The following MAF variants were observed in gnomAD, a reference collection of about 807,000 sequenced individuals.
The protein encoded by MAF is transcription factor Maf.
A neutral mutation model predicts 22.0 loss-of-function variants in MAF; 10 were observed. The ratio of observed to expected loss-of-function variants is 0.45; its 90% CI spans 0.28 to 0.77. The LOEUF (loss-of-function observed/expected upper bound fraction) is 0.77. Ranked by LOEUF, MAF falls within the 30% of genes least tolerant of loss-of-function variation. The pLI is 0.12. For missense variants in MAF, 544 were observed against 548.4 expected (o/e 0.99, Z 0.08); for synonymous variants, 337 against 255.8 (o/e 1.32, Z -3.03).
chr16:79,592,011 A>G (rs1262324880), downstream of MAF, among the ~76,000 whole-genome samples: 2 of 152,230 alleles, frequency 1.3e-5, no homozygotes, highest in Non-Finnish European at 2.9e-5. Context: ...TCTGGCATAC[A>G]TGCACACTAG....
the MAF span, among the ~76,000 whole-genome samples, chr16:79,240,546 G>C: frequency 7.0e-6 from 1 of 142,680 alleles, no homozygotes; most frequent in African/African-American, 2.7e-5. Flanking sequence ...CCCCAGTTAG[G>C]GGCTTATTGA....
the MAF span, among the ~76,000 whole-genome samples, chr16:79,344,894 T>C: frequency 6.6e-6 from 1 of 152,206 alleles, no homozygotes. Context: ...CAAATCCTCA[T>C]AACTTTAAAC....
At position 79,599,212 on chromosome 16, in the gene MAF, C is replaced by T; in HGVS notation, c.691G>A (p.Gly231Ser). ...GCGCCCCCGCCGCCTCCGCCGCCGC[C>T]GCCGCCGCCGCCGCCCCCAGCGCTG... ...PASAGGGGGG[G>S]GGGGGGGAAG... The change falls in exon 1 of 2, where the codon GGC becomes AGC. Residue 231 changes from glycine to serine, a missense_variant. By Grantham distance (56) the Gly-to-Ser change is moderately conservative. Around this residue, in one of 5 missense-constraint regions of MAF, gnomAD observed 342 missense variants for 315.5 expected, o/e 1.08. Coordinates refer to ENST00000326043, the MANE Select transcript of MAF (RefSeq NM_005360.5). 1.0e-6 allele frequency: 1 copy of T among 977,810 alleles called. No individual in the cohort carries two copies. The highest frequency in any genetic ancestry group is 1.2e-6 in the Non-Finnish European group (1 of 826,454). 60.6% of individuals were successfully genotyped at this position (977,810 alleles called of 1,614,324 possible). A position where few individuals can be genotyped will look rare whatever the true frequency, so the allele number is the denominator to read the frequency against.
chr16:79,402,575 G>C, the MAF span, among the ~76,000 whole-genome samples: 57 of 152,354 alleles, frequency 3.7e-4, no homozygotes, highest in African/African-American at 1.3e-3. Flanking sequence ...CCAGGAGCAG[G>C]GCTGGCGTGC....
chr16:79,377,287 G>A, the MAF span, among the ~76,000 whole-genome samples: 1 of 152,184 alleles, frequency 6.6e-6, no homozygotes, highest in South Asian at 2.1e-4. Flanking sequence ...ATGATGATCA[G>A]CATTTTTTCA....
At chr16:79,380,873 A>G in the MAF span, among the ~76,000 whole-genome samples, 1 of 152,218 alleles carries the variant, frequency 6.6e-6, no homozygotes, top group African/African-American at 2.4e-5. Flanking sequence ...TTGGGGGCAC[A>G]TTGGAAGTTG....
chr16:79,595,624 T>C (rs1913472520), intron 1 of MAF: 1 of 1,057,864 alleles, frequency 9.5e-7, no homozygotes, highest in Admixed American at 5.4e-5. Context: ...GTGAAGGTAG[T>C]TTTGAGTCTT....
At chr16:79,391,929 G>A in the MAF span, among the ~76,000 whole-genome samples, 1,644 of 149,490 alleles carry the variant, frequency 0.011, 12 homozygotes, top group Non-Finnish European at 0.019. Flanking sequence ...GGAGGAGAAG[G>A]AGGAGGGGGA....
At chr16:79,526,712 T>C in the MAF span, among the ~76,000 whole-genome samples, 2 of 152,192 alleles carry the variant, frequency 1.3e-5, no homozygotes, top group African/African-American at 4.8e-5. Flanking sequence ...GTAACCCTGA[T>C]CCGTAGCATT....
At chr16:79,452,127 A>G in the MAF span, among the ~76,000 whole-genome samples, 1 of 152,226 alleles carries the variant, frequency 6.6e-6, no homozygotes, top group African/African-American at 2.4e-5. Context: ...GAGAGACTGC[A>G]ATAGAGACAG....
the MAF span, among the ~76,000 whole-genome samples, chr16:79,208,063 G>A: frequency 6.6e-6 from 1 of 152,156 alleles, no homozygotes; most frequent in African/African-American, 2.4e-5. Context: ...CTGCAAATCT[G>A]ACAGATGATT....
the MAF span, among the ~76,000 whole-genome samples, chr16:79,545,212 A>T: frequency 3.3e-5 from 5 of 152,216 alleles, no homozygotes; most frequent in African/African-American, 7.2e-5. Flanking sequence ...CAGAACATGC[A>T]TTACAAAGTA....
At chr16:79,408,078 CAAAAAAAAAAAAAA>C in the MAF span, among the ~76,000 whole-genome samples, 1 of 81,556 alleles carries the variant, frequency 1.2e-5, no homozygotes. Flanking sequence ...TTTTACCTTT[CAAAAAAAAAAAAAA>C]AAAAAAAACC....
the MAF span, among the ~76,000 whole-genome samples, chr16:79,351,088 T>G: frequency 2.6e-5 from 4 of 152,142 alleles, no homozygotes; most frequent in East Asian, 7.7e-4. Flanking sequence ...GTCATACAAG[T>G]GGCATGCTCA....
At chr16:79,298,511 G>C in the MAF span, among the ~76,000 whole-genome samples, 1 of 152,224 alleles carries the variant, frequency 6.6e-6, no homozygotes, top group East Asian at 1.9e-4. Flanking sequence ...GAGGGGAAGA[G>C]GAGGGTCATT....
At chr16:79,507,472 T>A in the MAF span, among the ~76,000 whole-genome samples, 1,961 of 151,004 alleles carry the variant, frequency 0.013, 79 homozygotes, top group Admixed American at 0.085. Flanking sequence ...TTGCCCAGGC[T>A]GGAGTGCAGT....
At chr16:79,490,210 C>T in the MAF span, among the ~76,000 whole-genome samples, 4 of 152,250 alleles carry the variant, frequency 2.6e-5, no homozygotes, top group Admixed American at 2.6e-4. Flanking sequence ...AGGTGATCTG[C>T]CTGAACTGCT....
chr16:79,564,431 G>T, the MAF span, among the ~76,000 whole-genome samples: 1 of 152,210 alleles, frequency 6.6e-6, no homozygotes, highest in Non-Finnish European at 1.5e-5. Flanking sequence ...CCAGAGATAG[G>T]CAAGGGGGAA....
At chr16:79,211,654 T>C in the MAF span, 1 of 1,614,198 alleles carries the variant, frequency 6.2e-7, no homozygotes, top group Non-Finnish European at 8.5e-7. Context: ...GTCCCAGAAC[T>C]GGAGGGTCTG....
Sources: gnomAD v4.1 joint callset for allele counts (sites outside exome capture counted in the v4.1 genomes callset) on GRCh38, gnomAD v4.1.1 for gene constraint, gnomAD v4.1.1 regional missense constraint, MANE v1.5 for transcripts, NCBI Gene and HGNC (gene_info 2026-07-23, HGNC 2026-07-21) for gene names.